The following DCST1 variants were observed in gnomAD, a reference collection of about 807,000 sequenced individuals.
DCST1 encodes DC-STAMP domain containing 1.
In DCST1, 78 loss-of-function variants were observed where a neutral mutation model predicts 89.1. The ratio of observed to expected loss-of-function variants is 0.88; its 90% CI spans 0.73 to 1.06. The LOEUF (loss-of-function observed/expected upper bound fraction) is 1.06, where lower values mean the gene tolerates loss of function less well. Ranked by LOEUF, DCST1 falls within the 50% of genes least tolerant of loss-of-function variation. The pLI, the probability that DCST1 is intolerant of heterozygous loss-of-function variation, is 0.00. For missense variants in DCST1, 900 were observed against 928.6 expected (o/e 0.97, Z 0.40); for synonymous variants, 364 against 371.9 (o/e 0.98, Z 0.24).
intron 16 of DCST1, among the ~76,000 whole-genome samples, chr1:155,049,923 C>T (rs1004461074): frequency 2.6e-5 from 4 of 152,200 alleles, no homozygotes; most frequent in East Asian, 1.9e-4. Flanking sequence ...ACAGGGAATG[C>T]GAAGTGCCAG....
Position 155,040,485 on chromosome 1 carries a change from G to A in DCST1, c.392G>A (p.Gly131Glu), listed in dbSNP as rs561385414. ...LGYALAAIYV[G>E]PVANLRHNLN... is the part of the protein sequence containing the mutation. The stretch of plus-strand genomic sequence containing the variant: ...GACCAACCAGGGCCTCTTTCTCCAG[G>A]GCCAGTAGCCAATCTGCGACACAAT... Residue 131 changes from glycine (G) to glutamate (E), a missense_variant and splice_region_variant, in exon 6 of 17, where the codon GGG (glycine) becomes GAG (glutamate). Coordinates refer to ENST00000295542, the MANE Select transcript of DCST1 (RefSeq NM_152494.4). The A allele has an allele frequency of 2.5e-6, 4 of 1,598,632 alleles. No individual in the cohort carries two copies. In the African/African-American group the frequency reaches 5.3e-5, roughly 21 times the overall value.
At position 155,040,625 on chromosome 1, in the gene DCST1, G is replaced by A. The variant is rs1306930835; in HGVS notation, c.531+1G>A. On this transcript the variant is annotated splice_donor_variant, in intron 6 of 16. Transcript: ENST00000295542. LOFTEE classifies it high-confidence loss of function. Reference sequence around the variant, plus strand: ...ACGGGCCATGTTCAAGGACCTGCTGGTCAGGAATCTGCACAGGCAGAGCCT... The same window carrying A: ...ACGGGCCATGTTCAAGGACCTGCTGATCAGGAATCTGCACAGGCAGAGCCT... 4.5e-6 allele frequency: 7 copies of A among 1,570,350 alleles called. No individual in the cohort carries two copies. The highest frequency in any genetic ancestry group is 6.1e-6 in the Non-Finnish European group (7 of 1,156,694).
intron 13 of DCST1, 37 bp downstream of exon 13, chr1:155,046,523 G>C (rs773814647): frequency 1.1e-5 from 17 of 1,599,584 alleles, no homozygotes; most frequent in Non-Finnish European, 1.4e-5. Context: ...AGGCCCAAGA[G>C]ACACCCTCTG....
Position 155,034,425 on chromosome 1 carries a change from C to T in DCST1, c.62-10C>T. 1 of 1,613,996 alleles carries T rather than the reference C, an allele frequency of 6.2e-7. No individual in the cohort carries two copies. ...GAGTGGGCTGTTGAGCTACCCTGTC[C>T]CCCTCTTAGCGGTGCAGAGGCTCCT... On this transcript the variant is annotated splice_polypyrimidine_tract_variant and intron_variant, in intron 2 of 16. Transcript: ENST00000295542.
chr1:155,047,085 G>C, intron 13 of DCST1, 111 bp from the exon 14 acceptor site: 1 of 888,694 alleles, frequency 1.1e-6, no homozygotes, highest in Non-Finnish European at 1.9e-6. Context: ...GAAAGACTCA[G>C]GCAGCTGAGA....
chr1:155,046,135 C>T lies in DCST1; in HGVS notation c.1283C>T (p.Thr428Ile). ...ACATTTGTTTTCCAGGGCAAACGGA[C>T]TCTGCTGCCACTCCGCAAAGCTGAG... is the stretch of plus-strand genomic sequence containing the variant. ...DDRRKKLGKR[T>I]LLPLRKAEEK... Residue 428 changes from threonine (T) to isoleucine (I), a missense_variant, in exon 12 of 17, where the codon ACT becomes ATT. Coordinates refer to ENST00000295542, the MANE Select transcript of DCST1 (RefSeq NM_152494.4). 6.2e-7 allele frequency: 1 copy of T among 1,614,196 alleles called. No individual in the cohort carries two copies. Among genetic ancestry groups the T allele is most frequent in the Non-Finnish European group, 8.5e-7 (1 of 1,180,050 alleles).
chr1:155,049,130 C>G (rs186070393), intron 16 of DCST1: 1 of 711,974 alleles, frequency 1.4e-6, no homozygotes, highest in Admixed American at 2.0e-5. Flanking sequence ...GTGTGTATCC[C>G]GGCTCCTTCC....
chr1:155,034,648 C>A lies in DCST1; in HGVS notation c.188-5C>A. ...TTGGCCTTTGGCTTGACCTTGTGCCCTTAGGTCTCTTTCAGCTCCTGGTGA... is the reference window on the plus strand; with the variant it reads ...TTGGCCTTTGGCTTGACCTTGTGCCATTAGGTCTCTTTCAGCTCCTGGTGA... On this transcript the variant is annotated splice_polypyrimidine_tract_variant and splice_region_variant and intron_variant, in intron 3 of 16. Transcript: ENST00000295542. The A allele has an allele frequency of 6.2e-7, 1 of 1,614,190 alleles. No homozygotes were observed. The highest frequency in any genetic ancestry group is 8.5e-7 in the Non-Finnish European group (1 of 1,180,030).
At chr1:155,034,175 T>TA in intron 2 of DCST1, 78 bp downstream of exon 2, 1 of 1,585,734 alleles carries the variant, frequency 6.3e-7, no homozygotes, top group Non-Finnish European at 8.7e-7. Context: ...TCCTGCACAC[T>TA]ATCCCCCAAC....
chr1:155,046,044 T>G, intron 11 of DCST1, 52 bp downstream of exon 11: 8 of 1,613,242 alleles, frequency 5.0e-6, no homozygotes, highest in Non-Finnish European at 6.8e-6. Context: ...GTGCCCTGTG[T>G]GGGTTCATGC....
chr1:155,040,650 TG>T, intron 6 of DCST1, 26 bp downstream of exon 6: 7 of 1,534,860 alleles, frequency 4.6e-6, no homozygotes, highest in Middle Eastern at 2.3e-4. Context: ...AGGCAGAGCC[TG>T]GGGGGTCCCT....
chr1:155,042,791 T>TA lies in DCST1; in HGVS notation c.950dup (p.Tyr317Ter), dbSNP rs1316987667. 1 of 1,614,206 alleles carries TA rather than the reference T, an allele frequency of 6.2e-7. No homozygotes were observed. Among genetic ancestry groups the TA allele is most frequent in the Non-Finnish European group, 8.5e-7 (1 of 1,180,040 alleles). The change falls in exon 9 of 17, where the codon TAC becomes TAAC. Residue 317 changes from tyrosine (Y) to a stop codon, truncating the protein, a stop_gained and frameshift_variant. Coordinates refer to ENST00000295542, the MANE Select transcript of DCST1 (RefSeq NM_152494.4). LOFTEE classifies it high-confidence loss of function. Reference protein sequence around the residue: ...IPVEGNFGQTYDSLNQSIRGL... With the variant: ...IPVEGNFGQT Reference sequence around the variant, plus strand: ...AGTGGAAGGCAACTTTGGGCAGACCTACGACTCCCTCAACCAGTCTATTCG... The same window carrying TA: ...AGTGGAAGGCAACTTTGGGCAGACCTAACGACTCCCTCAACCAGTCTATTCG...
chr1:155,050,335 G>C (rs1225374506), intron 16 of DCST1, among the ~76,000 whole-genome samples: 2 of 152,232 alleles, frequency 1.3e-5, no homozygotes. Flanking sequence ...TCACTTCTCA[G>C]CCTCACTGTG....
At chr1:155,034,754 A>G in intron 4 of DCST1, 27 bp downstream of exon 4, 1 of 1,613,292 alleles carries the variant, frequency 6.2e-7, no homozygotes, top group Non-Finnish European at 8.5e-7. Context: ...AGCCAGGAAC[A>G]CTCAAGCGGC....
intron 10 of DCST1, among the ~76,000 whole-genome samples, chr1:155,044,311 G>A (rs924429539): frequency 6.6e-6 from 1 of 151,966 alleles, no homozygotes; most frequent in African/African-American, 2.4e-5. Context: ...GTGAGACCTC[G>A]TCTCTACAAA....
chr1:155,036,440 C>T (rs1046069105), intron 4 of DCST1, among the ~76,000 whole-genome samples: 1 of 152,236 alleles, frequency 6.6e-6, no homozygotes, highest in African/African-American at 2.4e-5. Context: ...CTACATCAGA[C>T]TTTTAACCTC....
At position 155,047,372 on chromosome 1, in the gene DCST1, G is replaced by A. The variant is rs528032216; in HGVS notation, c.1612+60G>A. 286 of 1,467,004 alleles carry A rather than the reference G, an allele frequency of 1.9e-4. No individual in the cohort carries two copies. In the Middle Eastern group the frequency reaches 2.8e-3, roughly 14 times the overall value. 90.9% of individuals were successfully genotyped at this position (1,467,004 alleles called of 1,614,324 possible). On this transcript the variant is annotated intron_variant, in intron 14 of 16. Coordinates refer to ENST00000295542, the MANE Select transcript of DCST1 (RefSeq NM_152494.4). ...GAGGGCGGTGGGGCAAGGGTCAAAA[G>A]ACTCCAAGGTAAAGAGTTAGGGGCC...
chr1:155,044,480 CAAAAAAA>C (rs57888793), intron 10 of DCST1, among the ~76,000 whole-genome samples: 2 of 63,190 alleles, frequency 3.2e-5, no homozygotes, highest in South Asian at 1.3e-3. Context: ...GAGCTTGTCT[CAAAAAAA>C]AAAAAAAAAA....
At position 155,041,597 on chromosome 1, in the gene DCST1, C is replaced by T. The variant is rs932894276; in HGVS notation, c.732C>T (p.Thr244=). The T allele has an allele frequency of 1.2e-6, 2 of 1,614,004 alleles. No homozygotes were observed. Among genetic ancestry groups the T allele is most frequent in the Non-Finnish European group, 1.7e-6 (2 of 1,180,032 alleles). The change falls in exon 7 of 17, where the codon ACC becomes ACT. Residue 244 remains threonine, a synonymous_variant. Transcript: ENST00000295542. ...LSTQKMYELK[T]KLRCSYVVNQ... is the part of the protein sequence containing the mutation. Reference sequence around the variant, plus strand: ...CACAGAAGATGTATGAGCTGAAGACCAAGCTGCGTTGCTCCTGTGAGGGGT... The same window carrying T: ...CACAGAAGATGTATGAGCTGAAGACTAAGCTGCGTTGCTCCTGTGAGGGGT...
Sources: allele counts gnomAD v4.1 joint callset (sites outside exome capture counted in the v4.1 genomes callset), GRCh38; gene constraint gnomAD v4.1.1; transcripts MANE v1.5; gene names NCBI Gene and HGNC (gene_info 2026-07-23, HGNC 2026-07-21).